PSMA3: variants seen among roughly 807,000 people sequenced by gnomAD.
PSMA3 encodes proteasome 20S subunit alpha 3.
A neutral mutation model predicts 40.0 loss-of-function variants in PSMA3; 8 were observed. The ratio of observed to expected loss-of-function variants is 0.20; its 90% confidence interval spans 0.12 to 0.36. PSMA3 has a LOEUF of 0.36. Among genes scored for constraint, PSMA3 ranks in the 10% least tolerant of loss-of-function variants. PSMA3 has a pLI of 1.00. For synonymous variants in PSMA3, 110 were observed against 100.0 expected (o/e 1.10, Z -0.59); for missense variants, 219 against 310.6 (o/e 0.70, Z 2.22).
At chr14:58,253,177 G>T (rs1001921215) in intron 3 of PSMA3, among the ~76,000 whole-genome samples, 4 of 152,044 alleles carry the variant, frequency 2.6e-5, no homozygotes, top group Non-Finnish European at 5.9e-5. Context: ...TAAAGGCAGG[G>T]TTTCACCATG....
chr14:58,264,273 ATTCT>A (rs1399914931), intron 7 of PSMA3, among the ~76,000 whole-genome samples: 4 of 152,248 alleles, frequency 2.6e-5, no homozygotes, highest in East Asian at 3.9e-4. Context: ...TTTTTCCTAT[ATTCT>A]TTCTTTGGAA....
chr14:58,257,704 T>C, intron 3 of PSMA3, 41 bp from the exon 4 acceptor site: 1 of 1,493,882 alleles, frequency 6.7e-7, no homozygotes, highest in South Asian at 1.1e-5. Flanking sequence ...TGATTTGTGA[T>C]AGGAATGTGT....
intron 3 of PSMA3, among the ~76,000 whole-genome samples, chr14:58,255,186 GTT>G (rs5808965): frequency 4.0e-4 from 60 of 148,468 alleles, no homozygotes; most frequent in South Asian, 1.5e-3. Context: ...CTTAGTAGCC[GTT>G]TTTTTTTTTT....
intron 10 of PSMA3, among the ~76,000 whole-genome samples, chr14:58,271,501 G>C (rs1449216917): frequency 6.6e-6 from 1 of 151,800 alleles, no homozygotes; most frequent in East Asian, 1.9e-4. Context: ...GGCTACTTTT[G>C]TATTTTTGGC....
chr14:58,247,616 C>T, intron 1 of PSMA3, 134 bp from the exon 2 acceptor site: 1 of 588,772 alleles, frequency 1.7e-6, no homozygotes, highest in East Asian at 2.9e-5. Flanking sequence ...GACAAGTTTC[C>T]CTTTCCTCTC....
rs754247450 is a variant in PSMA3 at position 58,271,910 on chromosome 14, T to C, written c.*15T>C. 1 of 1,552,074 alleles carries C rather than the reference T, an allele frequency of 6.4e-7. No homozygotes were observed. The highest frequency in any genetic ancestry group is 8.9e-7 in the Non-Finnish European group (1 of 1,124,632). ...ATAATATGTAACATTTACTCCAGCATCTATTGTATTTTAAATTTCTACTCC... is the reference window on the plus strand; with the variant it reads ...ATAATATGTAACATTTACTCCAGCACCTATTGTATTTTAAATTTCTACTCC... On this transcript the variant is annotated 3_prime_UTR_variant, in exon 11 of 11. Transcript: ENST00000216455.
intron 7 of PSMA3, among the ~76,000 whole-genome samples, chr14:58,264,271 A>G (rs546200261): frequency 7.9e-5 from 12 of 152,258 alleles, no homozygotes; most frequent in African/African-American, 2.6e-4. Flanking sequence ...TATTTTTCCT[A>G]TATTCTTTCT....
intron 6 of PSMA3, 199 bp from the exon 7 acceptor site, chr14:58,263,506 A>C (rs1016640739): frequency 4.7e-6 from 2 of 429,932 alleles, no homozygotes; most frequent in African/African-American, 4.0e-5. Flanking sequence ...TTAAAAATAC[A>C]GGTTGTTTTG....
intron 5 of PSMA3, among the ~76,000 whole-genome samples, chr14:58,259,899 CAT>C (rs1470326412): frequency 6.6e-6 from 1 of 152,046 alleles, no homozygotes; most frequent in African/African-American, 2.4e-5. Context: ...GGGGTCCAGT[CAT>C]ATAAAAGTCT....
intron 1 of PSMA3, 98 bp from the exon 2 acceptor site, chr14:58,247,652 A>G: frequency 2.6e-6 from 2 of 756,922 alleles, no homozygotes; most frequent in South Asian, 1.8e-5. Context: ...TTGTTGGGAT[A>G]TAACAGGTTC....
At chr14:58,265,799 A>C (rs1381325943) in intron 7 of PSMA3, 1 of 152,230 alleles carries the variant, frequency 6.6e-6, no homozygotes, top group African/African-American at 2.4e-5. Context: ...TTTAAAGATC[A>C]GCATTCTTTC....
At chr14:58,271,727 TTC>T (rs1408039756) in intron 10 of PSMA3, 122 bp from the exon 11 acceptor site, 2 of 688,650 alleles carry the variant, frequency 2.9e-6, no homozygotes, top group African/African-American at 3.6e-5. Flanking sequence ...TCTGAAACTG[TTC>T]ATTCAGTTAC....
chr14:58,262,305 TC>T (rs1451694248), intron 6 of PSMA3, among the ~76,000 whole-genome samples: 1 of 152,096 alleles, frequency 6.6e-6, no homozygotes, highest in African/African-American at 2.4e-5. Flanking sequence ...CCTCCCCAGT[TC>T]AAGCAATTCT....
intron 2 of PSMA3, among the ~76,000 whole-genome samples, chr14:58,249,497 CCTTTTTTTTAAAAAAAA>C (rs1390777196): frequency 6.6e-6 from 1 of 151,948 alleles, no homozygotes; most frequent in Non-Finnish European, 1.5e-5. Context: ...GCTTATTATT[CCTTTTTTTTAAAAAAAA>C]CTTTTTTTGG....
chr14:58,270,512 C>T, intron 9 of PSMA3, 27 bp downstream of exon 9: 2 of 1,613,020 alleles, frequency 1.2e-6, no homozygotes, highest in Non-Finnish European at 1.7e-6. Context: ...CATTTATTTG[C>T]CTTAGGAATG....
At chr14:58,256,329 G>A (rs1362600760) in intron 3 of PSMA3, among the ~76,000 whole-genome samples, 2 of 151,758 alleles carry the variant, frequency 1.3e-5, no homozygotes, top group Non-Finnish European at 2.9e-5. Context: ...GATATTTTTC[G>A]ATTTTGGAAT....
At chr14:58,247,700 G>A (rs773562273) in intron 1 of PSMA3, 50 bp from the exon 2 acceptor site, 20 of 1,252,564 alleles carry the variant, frequency 1.6e-5, no homozygotes, top group Non-Finnish European at 2.1e-5. Context: ...GAAACTGTAT[G>A]GTCATTACTG....
At chr14:58,261,732 C>T (rs112907884) in intron 6 of PSMA3, among the ~76,000 whole-genome samples, 4 of 152,114 alleles carry the variant, frequency 2.6e-5, no homozygotes, top group African/African-American at 9.6e-5. Context: ...CTAAGCCTCC[C>T]AAGTAGCTGG....
At chr14:58,256,320 A>G (rs927945033) in intron 3 of PSMA3, among the ~76,000 whole-genome samples, 1 of 151,974 alleles carries the variant, frequency 6.6e-6, no homozygotes, top group African/African-American at 2.4e-5. Context: ...AGTATATCGG[A>G]TATTTTTCGA....
Sources: allele counts gnomAD v4.1 joint callset (sites outside exome capture counted in the v4.1 genomes callset), GRCh38; gene constraint gnomAD v4.1.1; transcripts MANE v1.5; gene names NCBI Gene and HGNC (gene_info 2026-07-23, HGNC 2026-07-21).